The following CNTNAP5 variants were observed in gnomAD, a reference collection of about 807,000 sequenced individuals.
The protein encoded by CNTNAP5 is contactin-associated protein-like 5.
In CNTNAP5, 72 loss-of-function variants were observed where a neutral mutation model predicts 150.2. The observed-to-expected ratio is 0.48, with a 90% CI of 0.40 to 0.58. The LOEUF is 0.58. Among genes scored for constraint, CNTNAP5 ranks in the 20% least tolerant of loss-of-function variants. The probability of loss-of-function intolerance (pLI) is 0.00; values close to 1 mark genes in which losing one functional copy is unlikely to be tolerated. For missense variants in CNTNAP5, 1,636 were observed against 1,626.2 expected (o/e 1.01, Z -0.10); for synonymous variants, 672 against 619.8 (o/e 1.08, Z -1.25).
At chr2:124,267,413 C>T (rs1427539753) in intron 3 of CNTNAP5, among the ~76,000 whole-genome samples, 1 of 152,024 alleles carries the variant, frequency 6.6e-6, no homozygotes, top group Non-Finnish European at 1.5e-5. Context: ...TAAATATTCC[C>T]CTGTGACCAA....
chr2:124,527,926 G>T (rs1344029098), intron 10 of CNTNAP5, among the ~76,000 whole-genome samples: 12 of 152,046 alleles, frequency 7.9e-5, no homozygotes, highest in Admixed American at 7.9e-4. Flanking sequence ...GCTGGTTTTT[G>T]CTCTTACTGC....
At chr2:124,153,790 T>C (rs111749135) in intron 1 of CNTNAP5, among the ~76,000 whole-genome samples, 62 of 151,910 alleles carry the variant, frequency 4.1e-4, no homozygotes, top group African/African-American at 1.4e-3. Context: ...TTGTATTTTT[T>C]AGTAGAGACG....
At chr2:124,383,970 T>C (rs1414771386) in intron 3 of CNTNAP5, among the ~76,000 whole-genome samples, 1 of 152,210 alleles carries the variant, frequency 6.6e-6, no homozygotes, top group African/African-American at 2.4e-5. Flanking sequence ...CTGTGGAGTT[T>C]TTCACATTTC....
At chr2:124,775,062 G>A (rs1681291381) in intron 17 of CNTNAP5, among the ~76,000 whole-genome samples, 1 of 152,138 alleles carries the variant, frequency 6.6e-6, no homozygotes, top group South Asian at 2.1e-4. Flanking sequence ...TCCCATCTCA[G>A]ATGTTACTCT....
At chr2:124,325,604 T>C (rs1047556961) in intron 3 of CNTNAP5, among the ~76,000 whole-genome samples, 1 of 152,224 alleles carries the variant, frequency 6.6e-6, no homozygotes, top group South Asian at 2.1e-4. Context: ...AAACTTTGGC[T>C]GTGAGCTCCA....
intron 3 of CNTNAP5, among the ~76,000 whole-genome samples, chr2:124,294,959 AG>A (rs1688384463): frequency 6.6e-6 from 1 of 152,154 alleles, no homozygotes; most frequent in African/African-American, 2.4e-5. Context: ...TACAAAAACT[AG>A]CTGGGTGTGG....
chr2:124,426,088 C>A (rs774344018), intron 4 of CNTNAP5, among the ~76,000 whole-genome samples: 16 of 152,112 alleles, frequency 1.1e-4, no homozygotes, highest in Admixed American at 2.0e-4. Context: ...GAAGGCGAGT[C>A]TTACTGTTAG....
At chr2:124,696,104 C>T (rs374629345) in intron 13 of CNTNAP5, among the ~76,000 whole-genome samples, 2 of 152,198 alleles carry the variant, frequency 1.3e-5, no homozygotes, top group East Asian at 1.9e-4. Flanking sequence ...AGAATCACCT[C>T]GGATGTTGGT....
intron 1 of CNTNAP5, among the ~76,000 whole-genome samples, chr2:124,056,523 G>A (rs1681851047): frequency 6.6e-6 from 1 of 152,158 alleles, no homozygotes; most frequent in Admixed American, 6.5e-5. Flanking sequence ...GTGGGCTCCT[G>A]TAATCCCAGC....
At chr2:124,275,583 C>T (rs1178512792) in intron 3 of CNTNAP5, among the ~76,000 whole-genome samples, 1 of 152,136 alleles carries the variant, frequency 6.6e-6, no homozygotes, top group Non-Finnish European at 1.5e-5. Flanking sequence ...ATATTGACAT[C>T]TCTGTGTCTA....
intron 7 of CNTNAP5, among the ~76,000 whole-genome samples, chr2:124,476,127 A>G (rs1693633703): frequency 6.6e-6 from 1 of 152,142 alleles, no homozygotes; most frequent in South Asian, 2.1e-4. Flanking sequence ...GCTGATATGT[A>G]GAAACCTAAT....
chr2:124,471,444 A>T (rs1451638386), intron 6 of CNTNAP5, among the ~76,000 whole-genome samples: 1 of 152,194 alleles, frequency 6.6e-6, no homozygotes, highest in Non-Finnish European at 1.5e-5. Flanking sequence ...GAAGTTGCTT[A>T]TCAGCTAATA....
At chr2:124,555,914 G>A (rs76391339) in intron 10 of CNTNAP5, among the ~76,000 whole-genome samples, 5,294 of 152,132 alleles carry the variant, frequency 0.035, 189 homozygotes, top group Admixed American at 0.092. Flanking sequence ...TTGTGCAAAC[G>A]TACATATTTT....
At chr2:124,217,525 G>C (rs1228554357) in intron 1 of CNTNAP5, among the ~76,000 whole-genome samples, 2 of 152,154 alleles carry the variant, frequency 1.3e-5, no homozygotes, top group Non-Finnish European at 2.9e-5. Context: ...CAATGCTGCA[G>C]ACCTGCAGAG....
At chr2:124,793,771 G>A (rs1347792747) in intron 18 of CNTNAP5, among the ~76,000 whole-genome samples, 2 of 152,112 alleles carry the variant, frequency 1.3e-5, no homozygotes, top group Non-Finnish European at 2.9e-5. Flanking sequence ...GTTGATGTGT[G>A]TTTGTTGTTA....
At chr2:124,409,875 C>G (rs1691697529) in intron 3 of CNTNAP5, among the ~76,000 whole-genome samples, 1 of 151,700 alleles carries the variant, frequency 6.6e-6, no homozygotes, top group Admixed American at 6.6e-5. Context: ...TCACACATAA[C>G]AATATTAACT....
intron 10 of CNTNAP5, among the ~76,000 whole-genome samples, chr2:124,559,974 ACC>A (rs1695850400): frequency 1.3e-5 from 2 of 152,058 alleles, no homozygotes; most frequent in African/African-American, 4.8e-5. Flanking sequence ...GTACTCTTTT[ACC>A]CTTCCAGGAA....
At position 124,524,295 on chromosome 2, in the gene CNTNAP5, T is replaced by G. The variant is rs185083499; in HGVS notation, c.1328-8T>G. On this transcript the variant is annotated splice_polypyrimidine_tract_variant and splice_region_variant and intron_variant, in intron 8 of 23. Transcript: ENST00000682447. The stretch of plus-strand genomic sequence containing the variant: ...ATCTCTATGCTTACTCTCTTGTTTC[T>G]CTTGCAGGCAGCAACTTGAATGATG... The G allele has an allele frequency of 6.2e-7, 1 of 1,613,694 alleles. No homozygotes were observed. Among genetic ancestry groups the G allele is most frequent in the East Asian group, 2.2e-5 (1 of 44,842 alleles).
At chr2:124,340,827 ATG>A (rs1209684541) in intron 3 of CNTNAP5, among the ~76,000 whole-genome samples, 4 of 143,198 alleles carry the variant, frequency 2.8e-5, no homozygotes, top group Non-Finnish European at 6.1e-5. Flanking sequence ...ATATATATAT[ATG>A]CGTGTGCGTG....
Sources: gnomAD v4.1 joint callset for allele counts (sites outside exome capture counted in the v4.1 genomes callset) on GRCh38, gnomAD v4.1.1 for gene constraint, MANE v1.5 for transcripts, NCBI Gene and HGNC (gene_info 2026-07-23, HGNC 2026-07-21) for gene names.